Variants in CACNA1A observed in about 807,000 individuals in gnomAD.
The protein encoded by CACNA1A is calcium voltage-gated channel subunit alpha1 A.
Under a neutral mutation model 262.4 loss-of-function variants are expected in CACNA1A, and 57 were observed. That is an observed-to-expected ratio of 0.22 (90% CI 0.18 to 0.27). The LOEUF (loss-of-function observed/expected upper bound fraction) is 0.27, where lower values mean the gene tolerates loss of function less well. CACNA1A is among the 10% of genes least tolerant of loss of function. The probability of loss-of-function intolerance (pLI) is 1.00; values close to 1 mark genes in which losing one functional copy is unlikely to be tolerated. For missense variants in CACNA1A, 2,526 were observed against 3,562.8 expected (o/e 0.71, Z 7.41); for synonymous variants, 1,431 against 1,419.3 (o/e 1.01, Z -0.18).
At chr19:13,443,544 G>A (rs990862139) in intron 3 of CACNA1A, among the ~76,000 whole-genome samples, 2 of 152,004 alleles carry the variant, frequency 1.3e-5, no homozygotes, top group African/African-American at 4.8e-5. Flanking sequence ...ACAGGATCTT[G>A]CTATGCTGCT....
chr19:13,340,938 G>A (rs1450365677), intron 6 of CACNA1A, among the ~76,000 whole-genome samples: 1 of 152,160 alleles, frequency 6.6e-6, no homozygotes, highest in Non-Finnish European at 1.5e-5. Flanking sequence ...AGAGCACAGT[G>A]GCTCACATCT....
At chr19:13,243,266 T>C (rs1275923621) in intron 31 of CACNA1A, among the ~76,000 whole-genome samples, 1 of 152,088 alleles carries the variant, frequency 6.6e-6, no homozygotes, top group African/African-American at 2.4e-5. Context: ...AGGGATAGGG[T>C]GAGGGGAAGG....
At chr19:13,391,978 A>G (rs1430639008) in intron 3 of CACNA1A, among the ~76,000 whole-genome samples, 3 of 149,208 alleles carry the variant, frequency 2.0e-5, no homozygotes, top group Non-Finnish European at 3.0e-5. Context: ...TCAAGGCTGC[A>G]GTGAGCTGTG....
Position 13,212,526 on chromosome 19 carries a change from C to T in CACNA1A, c.6051-4G>A, listed in dbSNP as rs1199529097. The T allele has an allele frequency of 2.6e-6, 4 of 1,563,650 alleles. No homozygotes were observed. In the East Asian group the frequency reaches 9.5e-5, roughly 37 times the overall value. On this transcript the variant is annotated splice_region_variant and splice_polypyrimidine_tract_variant and intron_variant, in intron 41 of 46. Coordinates refer to ENST00000360228, the MANE Select transcript of CACNA1A (RefSeq NM_001127222.2). The surrounding 1 kb of genome is among the most constrained non-coding windows in gnomAD (Gnocchi z 5.6). ...GAGGCCGCTTTCGTGAGCCATCCTG[C>T]ATGGGGGACAGAGGCCGGGGTAGCA... is the stretch of plus-strand genomic sequence containing the variant.
Position 13,452,907 on chromosome 19 carries a change from T to A in CACNA1A, c.508A>T (p.Asn170Tyr). 6.2e-7 allele frequency: 1 copy of A among 1,613,958 alleles called. No individual in the cohort carries two copies. ...HKGSYLRNGWNVMDFVVVLTG... is the reference protein window; with the variant it reads ...HKGSYLRNGWYVMDFVVVLTG... ...AGCACCACCACAAAGTCCATGACATTCCAGCCATTCCTCAAGTAGGAGCCT... is the reference window on the plus strand; with the variant it reads ...AGCACCACCACAAAGTCCATGACATACCAGCCATTCCTCAAGTAGGAGCCT... Residue 170 changes from asparagine (N) to tyrosine (Y), a missense_variant, in exon 3 of 47, where the codon AAT (asparagine) becomes TAT (tyrosine). Physicochemically the swap from Asn to Tyr is moderately radical, Grantham distance 143. Transcript: ENST00000360228.
chr19:13,300,763 TCAGAA>T, intron 17 of CACNA1A, 107 bp from the exon 18 acceptor site: 1 of 893,270 alleles, frequency 1.1e-6, no homozygotes, highest in South Asian at 1.3e-5. Flanking sequence ...TTTCGACCAA[TCAGAA>T]CCAAGGCTCC....
At chr19:13,453,783 A>G (rs1237861479) in intron 2 of CACNA1A, among the ~76,000 whole-genome samples, 1 of 152,226 alleles carries the variant, frequency 6.6e-6, no homozygotes, top group Non-Finnish European at 1.5e-5. Flanking sequence ...TTCTCGAGCT[A>G]CAATCATTTT....
chr19:13,447,100 G>A (rs925381466), intron 3 of CACNA1A, among the ~76,000 whole-genome samples: 1 of 152,148 alleles, frequency 6.6e-6, no homozygotes, highest in Non-Finnish European at 1.5e-5. Context: ...CAACAAGAAA[G>A]GAGAAGGGGA....
intron 46 of CACNA1A, among the ~76,000 whole-genome samples, chr19:13,208,531 C>A (rs1014389634): frequency 2.2e-4 from 1 of 4,512 alleles, no homozygotes; most frequent in Non-Finnish European, 7.7e-4. Flanking sequence ...GAGGGGGCGG[C>A]GGGTGGGCAA....
chr19:13,473,105 T>C (rs926332767), intron 1 of CACNA1A, among the ~76,000 whole-genome samples: 2 of 151,966 alleles, frequency 1.3e-5, no homozygotes, highest in South Asian at 4.2e-4. Context: ...ATTTAAAAAT[T>C]AGCTGAGTAT....
intron 19 of CACNA1A, among the ~76,000 whole-genome samples, chr19:13,293,563 C>T (rs915262305): frequency 1.3e-5 from 2 of 148,938 alleles, no homozygotes; most frequent in Non-Finnish European, 3.0e-5. Flanking sequence ...TCTCCTACCT[C>T]AGCCTCCCGA....
intron 31 of CACNA1A, among the ~76,000 whole-genome samples, chr19:13,237,141 T>A (rs569919859): frequency 1.3e-5 from 2 of 152,130 alleles, no homozygotes; most frequent in African/African-American, 4.8e-5. Flanking sequence ...GTTTTAGAAA[T>A]GGCACTTGCT....
chr19:13,464,588 G>A (rs1049251309), intron 1 of CACNA1A, among the ~76,000 whole-genome samples: 2 of 121,204 alleles, frequency 1.7e-5, no homozygotes, highest in Non-Finnish European at 3.2e-5. Context: ...TTGCTCTTTC[G>A]CCCAGGCCAG....
At chr19:13,246,671 G>A (rs1787017355) in intron 30 of CACNA1A, among the ~76,000 whole-genome samples, 1 of 151,994 alleles carries the variant, frequency 6.6e-6, no homozygotes, top group African/African-American at 2.4e-5. Context: ...TGTCGCCCAG[G>A]CTGGAGTGCA....
intron 30 of CACNA1A, among the ~76,000 whole-genome samples, chr19:13,246,422 T>G (rs918016396): frequency 2.6e-5 from 4 of 152,188 alleles, no homozygotes; most frequent in Non-Finnish European, 5.9e-5. Flanking sequence ...AGTAACATTT[T>G]GAATGGCAGC....
At chr19:13,209,938 C>T (rs1336612915) in intron 44 of CACNA1A, among the ~76,000 whole-genome samples, 6 of 152,182 alleles carry the variant, frequency 3.9e-5, no homozygotes, top group South Asian at 2.1e-4. Context: ...GAGAAGCCTC[C>T]GACTGTGGCT....
intron 6 of CACNA1A, among the ~76,000 whole-genome samples, chr19:13,353,457 C>A (rs2058951638): frequency 1.3e-5 from 2 of 151,994 alleles, no homozygotes; most frequent in Admixed American, 1.3e-4. Flanking sequence ...ATATGGTGAG[C>A]CTTTCCCCTG....
intron 19 of CACNA1A, among the ~76,000 whole-genome samples, chr19:13,288,894 A>C (rs1296589563): frequency 6.6e-6 from 1 of 152,102 alleles, no homozygotes; most frequent in Non-Finnish European, 1.5e-5. Context: ...AACTTGCAAA[A>C]ACCCACGGTG....
chr19:13,232,189 T>C (rs1224138620), intron 34 of CACNA1A, among the ~76,000 whole-genome samples: 1 of 151,366 alleles, frequency 6.6e-6, no homozygotes, highest in Non-Finnish European at 1.5e-5. Flanking sequence ...TTTCCTTTCT[T>C]TTCTCTCTCT....
Sources: gnomAD v4.1 joint callset for allele counts (sites outside exome capture counted in the v4.1 genomes callset) on GRCh38, gnomAD v4.1.1 for gene constraint, Gnocchi (gnomAD v3.1) non-coding constraint, MANE v1.5 for transcripts, NCBI Gene and HGNC (gene_info 2026-07-23, HGNC 2026-07-21) for gene names.